Variants in HDLBP observed in about 807,000 individuals in gnomAD.
HDLBP encodes vigilin.
HDLBP carries 30 observed loss-of-function variants against 137.3 expected under a neutral mutation model. The ratio of observed to expected loss-of-function variants is 0.22; its 90% CI spans 0.16 to 0.30. The LOEUF is 0.30. Ranked by LOEUF, HDLBP falls within the 10% of genes least tolerant of loss-of-function variation. HDLBP has a pLI of 1.00. For synonymous variants in HDLBP, 606 were observed against 596.0 expected, an observed-to-expected ratio of 1.02 and a Z score of -0.24; for missense variants, 1,119 against 1,667.3, an observed-to-expected ratio of 0.67 and a Z score of 5.73.
At chr2:241,257,895 A>G (rs1354817296) in intron 5 of HDLBP, among the ~76,000 whole-genome samples, 1 of 152,242 alleles carries the variant, frequency 6.6e-6, no homozygotes, top group Non-Finnish European at 1.5e-5. Flanking sequence ...CTGAAAACCC[A>G]GAAACAGAGC....
chr2:241,236,823 C>G, intron 20 of HDLBP, 54 bp from the exon 21 acceptor site: 1 of 1,583,842 alleles, frequency 6.3e-7, no homozygotes, highest in South Asian at 1.1e-5. Context: ...AGACCCCACA[C>G]CTTGTTCAGA....
chr2:241,310,156 T>C (rs2075717682), intron 1 of HDLBP, among the ~76,000 whole-genome samples: 1 of 152,146 alleles, frequency 6.6e-6, no homozygotes, highest in Non-Finnish European at 1.5e-5. Flanking sequence ...TAACAGGAGA[T>C]ACCACATTCA....
rs1438585323 is a variant in HDLBP, at chr2:241,238,816, A to G, written c.2611-29T>C. 6.8e-7 allele frequency: 1 copy of G among 1,467,442 alleles called. No individual in the cohort carries two copies. The highest frequency in any genetic ancestry group is 2.5e-5 in the East Asian group (1 of 40,618). 90.9% of individuals were successfully genotyped at this position (1,467,442 alleles called of 1,614,324 possible). A position where few individuals can be genotyped will look rare whatever the true frequency, so the allele number is the denominator to read the frequency against. ...GAGGGAGGTACACAAAGAAAAAAGA[A>G]AAGAGCAAAGATTAAATTCCTTAGG... On this transcript the variant is annotated intron_variant, in intron 19 of 27. Coordinates refer to ENST00000310931, the MANE Select transcript of HDLBP (RefSeq NM_005336.6). The surrounding 1 kb of genome is among the most constrained non-coding windows in gnomAD (Gnocchi z 4.9).
chr2:241,272,637 C>A lies in HDLBP; in HGVS notation c.-102-4096G>T, dbSNP rs1333490476. The A allele has an allele frequency of 2.1e-6, 2 of 964,232 alleles. No homozygotes were observed. Among genetic ancestry groups the A allele is most frequent in the Non-Finnish European group, 1.2e-6 (1 of 812,078 alleles). The allele number at this position is 964,232 out of a possible 1,614,324, so 59.7% of individuals were successfully genotyped here. ...CCTGGGGCCCGGGTGGGGGCCGCGG[C>A]ACCCGGGCCCCTCCCCCTCCGCGGC... On this transcript the variant is annotated intron_variant, in intron 1 of 27. Transcript: ENST00000310931. The surrounding 1 kb of genome is among the most constrained non-coding windows in gnomAD (Gnocchi z 5.6).
At chr2:241,277,135 A>G (rs1397464351) in intron 1 of HDLBP, among the ~76,000 whole-genome samples, 2 of 152,210 alleles carry the variant, frequency 1.3e-5, no homozygotes, top group Non-Finnish European at 2.9e-5. Context: ...CAAGGAAGAA[A>G]TCTGAAAACA....
intron 5 of HDLBP, among the ~76,000 whole-genome samples, chr2:241,261,739 GT>G (rs1221511162): frequency 6.6e-6 from 1 of 152,224 alleles, no homozygotes; most frequent in Non-Finnish European, 1.5e-5. Context: ...GCCAGCTGGG[GT>G]TGGGGACTGT....
Position 241,247,062 on chromosome 2 carries a change from A to G in HDLBP, c.1812T>C (p.Ile604=). 1 of 1,610,180 alleles carries G rather than the reference A, an allele frequency of 6.2e-7. No individual in the cohort carries two copies. The highest frequency in any genetic ancestry group is 1.1e-5 in the South Asian group (1 of 91,014). The part of the protein sequence containing the change: ...KNIIGKGGAN[I]KKIREESNTK... ...GCAGCGGACAAGTTATCACCTTTTT[A>G]ATGTTTGCGCCTCCTTTCCCAATGA... is the stretch of plus-strand genomic sequence containing the variant. The change falls in exon 15 of 28, where the codon ATT becomes ATC. Residue 604 remains isoleucine, a synonymous_variant. Coordinates refer to ENST00000310931, the MANE Select transcript of HDLBP (RefSeq NM_005336.6).
chr2:241,234,677 C>G (rs940109427), intron 23 of HDLBP, among the ~76,000 whole-genome samples: 3 of 152,230 alleles, frequency 2.0e-5, no homozygotes, highest in Non-Finnish European at 4.4e-5. Context: ...TACAATCCTT[C>G]AAACGTCAGC....
chr2:241,246,168 TAA>T (rs1057132985), intron 16 of HDLBP, among the ~76,000 whole-genome samples: 1 of 150,496 alleles, frequency 6.6e-6, no homozygotes, highest in African/African-American at 2.5e-5. Context: ...ATGGGCCCAA[TAA>T]AGAGTAGATG....
rs772822054 is a variant in HDLBP, at chr2:241,230,809, T to C, written c.3424A>G (p.Ile1142Val). ...VPLDHRVHAR[I>V]IGARGKAIRK... ...ATGGCTTTGCCGCGGGCACCAATGA[T>C]GCGGGCGTGAACGCGGTGGTCCAGC... The change falls in exon 25 of 28, where the codon ATC becomes GTC. Residue 1142 changes from isoleucine (I) to valine (V), a missense_variant. By Grantham distance (29) the Ile-to-Val change is conservative. Transcript: ENST00000310931. This position sits in a 1 kb window ranked among gnomAD's most constrained non-coding sequence, Gnocchi z 5.0. The C allele has an allele frequency of 4.3e-6, 7 of 1,614,242 alleles. No homozygotes were observed. In the East Asian group the frequency reaches 1.3e-4, roughly 31 times the overall value.
At chr2:241,295,929 G>C (rs890668466) in intron 1 of HDLBP, among the ~76,000 whole-genome samples, 1 of 152,130 alleles carries the variant, frequency 6.6e-6, no homozygotes, top group East Asian at 1.9e-4. Context: ...CAGATTTCCA[G>C]TCTCCAAAAC....
intron 1 of HDLBP, among the ~76,000 whole-genome samples, chr2:241,300,496 G>C (rs969988312): frequency 1.3e-5 from 2 of 152,126 alleles, no homozygotes; most frequent in Non-Finnish European, 2.9e-5. Context: ...TTCAAGACTG[G>C]GGGCAGGTAG....
chr2:241,233,976 G>A lies in HDLBP; in HGVS notation c.3145-13C>T, dbSNP rs751619751. On this transcript the variant is annotated splice_polypyrimidine_tract_variant and intron_variant, in intron 23 of 27. Coordinates refer to ENST00000310931, the MANE Select transcript of HDLBP (RefSeq NM_005336.6). The surrounding 1 kb of genome is among the most constrained non-coding windows in gnomAD (Gnocchi z 4.3). ...AACTCCTTAAAGCCTACAAATGAAA[G>A]GAGCAAGAATGAGGCAAAGATTGAG... is the stretch of plus-strand genomic sequence containing the variant. 1 of 1,613,954 alleles carries A rather than the reference G, an allele frequency of 6.2e-7. No individual in the cohort carries two copies. Among genetic ancestry groups the A allele is most frequent in the Non-Finnish European group, 8.5e-7 (1 of 1,179,948 alleles).
At chr2:241,285,442 C>T (rs1056224015) in intron 1 of HDLBP, among the ~76,000 whole-genome samples, 4 of 152,174 alleles carry the variant, frequency 2.6e-5, no homozygotes, top group Non-Finnish European at 5.9e-5. Context: ...AAAGCACTAT[C>T]ACTGACCTCC....
intron 1 of HDLBP, chr2:241,302,868 CAG>C (rs1198050491): frequency 6.6e-6 from 1 of 152,358 alleles, no homozygotes; most frequent in Non-Finnish European, 1.5e-5. Context: ...CACACACACT[CAG>C]AGGTTTGAAG....
chr2:241,235,338 G>A, intron 22 of HDLBP, 83 bp from the exon 23 acceptor site: 4 of 1,577,248 alleles, frequency 2.5e-6, no homozygotes, highest in South Asian at 2.3e-5. Context: ...CAGAAGTGGT[G>A]AGAGGGAAGG....
rs1415786605 is a variant in HDLBP at position 241,230,596 on chromosome 2, G to A, written c.3474+163C>T. Among the ~76,000 whole-genome samples, 4 of 152,212 alleles carry A rather than the reference G, an allele frequency of 2.6e-5. No homozygotes were observed. Among genetic ancestry groups the A allele is most frequent in the African/African-American group, 2.4e-5 (1 of 41,452 alleles). On this transcript the variant is annotated intron_variant, in intron 25 of 27. Transcript: ENST00000310931. The surrounding 1 kb of genome is among the most constrained non-coding windows in gnomAD (Gnocchi z 5.0). ...GCAGTGCAGCCTCACACAGGCCGTC[G>A]CCTGCACTGACCCGTGGTGTCCATG... is the stretch of plus-strand genomic sequence containing the variant.
In HDLBP at chr2:241,230,188, C is replaced by T. The variant is rs1041170759; in HGVS notation, c.3556G>A (p.Ala1186Thr). 6.8e-6 allele frequency: 11 copies of T among 1,613,714 alleles called. No homozygotes were observed. In the African/African-American group the frequency reaches 1.2e-4, roughly 18 times the overall value. ...VTGLPENVEE[A>T]IDHILNLEEE... ...TCCAGATTGAGGATGTGGTCGATGG[C>T]TTCCTCCACATTCTCTGGGAGCCCC... The change falls in exon 26 of 28, where the codon GCC (alanine) becomes ACC (threonine). Residue 1186 changes from alanine (A) to threonine (T), a missense_variant. Ala to Thr is a moderately conservative substitution (Grantham distance 58). Coordinates refer to ENST00000310931, the MANE Select transcript of HDLBP (RefSeq NM_005336.6). This position sits in a 1 kb window ranked among gnomAD's most constrained non-coding sequence, Gnocchi z 5.0.
intron 1 of HDLBP, among the ~76,000 whole-genome samples, chr2:241,305,011 A>G (rs2075523286): frequency 6.6e-6 from 1 of 152,244 alleles, no homozygotes; most frequent in Non-Finnish European, 1.5e-5. Context: ...CTGGCACACA[A>G]TAAACCGGTG....
Sources: allele counts gnomAD v4.1 joint callset (sites outside exome capture counted in the v4.1 genomes callset), GRCh38; gene constraint gnomAD v4.1.1; non-coding constraint Gnocchi (gnomAD v3.1); transcripts MANE v1.5; gene names NCBI Gene and HGNC (gene_info 2026-07-23, HGNC 2026-07-21).